NABP2: variants seen among roughly 807,000 people sequenced by gnomAD.
The protein encoded by NABP2 is SOSS complex subunit B1.
NABP2 carries 7 observed loss-of-function variants against 22.7 expected under a neutral mutation model. That is an observed-to-expected ratio of 0.31 (90% CI 0.18 to 0.58). The LOEUF (loss-of-function observed/expected upper bound fraction) is 0.58, where lower values mean the gene tolerates loss of function less well. NABP2 is among the 20% of genes least tolerant of loss of function. The probability of loss-of-function intolerance (pLI) is 0.89; values close to 1 mark genes in which losing one functional copy is unlikely to be tolerated. For missense variants in NABP2, 188 were observed against 265.9 expected (o/e 0.71, Z 2.04); for synonymous variants, 107 against 99.2 (o/e 1.08, Z -0.47).
At chr12:56,225,586 T>C in intron 3 of NABP2, 38 bp from the exon 4 acceptor site, 2 of 1,614,172 alleles carry the variant, frequency 1.2e-6, no homozygotes, top group Non-Finnish European at 1.7e-6. Flanking sequence ...CCTATAACAC[T>C]TCTGAGTACT....
rs749415116 is a variant in NABP2 at position 56,229,064 on chromosome 12, G to T, written c.487G>T (p.Gly163Cys). ...ACTGAGTGCCCCACCAGGTCCCGGT[G>T]GTGGCCCACATCCCCCTCATACTCC... is the stretch of plus-strand genomic sequence containing the variant. ...NGLSAPPGPG[G>C]GPHPPHTPSH... The change falls in exon 7 of 7, where the codon GGT becomes TGT. Residue 163 changes from glycine to cysteine, a missense_variant. Physicochemically the swap from Gly to Cys is radical, Grantham distance 159. Coordinates refer to ENST00000267023, the MANE Select transcript of NABP2 (RefSeq NM_024068.4). 14 of 1,612,854 alleles carry T rather than the reference G, an allele frequency of 8.7e-6. No homozygotes were observed. The highest frequency in any genetic ancestry group is 1.1e-5 in the Non-Finnish European group (13 of 1,179,606).
Position 56,224,373 on chromosome 12 carries a change from C to A in NABP2, c.-92C>A. 1 of 990,348 alleles carries A rather than the reference C, an allele frequency of 1.0e-6. No individual in the cohort carries two copies. Among genetic ancestry groups the A allele is most frequent in the East Asian group, 1.1e-4 (1 of 8,996 alleles). The allele number at this position is 990,348 out of a possible 1,614,324, so 61.3% of individuals were successfully genotyped here. On this transcript the variant is annotated 5_prime_UTR_variant, in exon 1 of 7. Transcript: ENST00000267023. Reference sequence around the variant, plus strand: ...CCGCGTTCCACGGGGCAGCATCCGGCGGCAGCGGAGCCTGTGGCTCCCCCT... The same window carrying A: ...CCGCGTTCCACGGGGCAGCATCCGGAGGCAGCGGAGCCTGTGGCTCCCCCT...
rs764836439 is a variant in NABP2 at position 56,229,217 on chromosome 12, G to A, written c.*4G>A. 2 of 1,611,898 alleles carry A rather than the reference G, an allele frequency of 1.2e-6. No individual in the cohort carries two copies. Among genetic ancestry groups the A allele is most frequent in the African/African-American group, 2.7e-5 (2 of 74,820 alleles). On this transcript the variant is annotated 3_prime_UTR_variant, in exon 7 of 7. Coordinates refer to ENST00000267023, the MANE Select transcript of NABP2 (RefSeq NM_024068.4). ...CCGGAGGAGCAGCAAGAGATAGCAT[G>A]ACATTCTTTCTTCCTGCCACCAACC... is the stretch of plus-strand genomic sequence containing the variant.
chr12:56,225,660 T>C lies in NABP2; in HGVS notation c.255T>C (p.Tyr85=). 1 of 1,614,208 alleles carries C rather than the reference T, an allele frequency of 6.2e-7. No individual in the cohort carries two copies. Among genetic ancestry groups the C allele is most frequent in the Non-Finnish European group, 8.5e-7 (1 of 1,180,040 alleles). Residue 85 remains tyrosine, a synonymous_variant, in exon 4 of 7, where the codon TAT becomes TAC. Coordinates refer to ENST00000267023, the MANE Select transcript of NABP2 (RefSeq NM_024068.4). ...TTTTCAAAGGTTGTCTGACACTATATACTGGCCGTGGGGGTGATCTGCAGA... is the reference window on the plus strand; with the variant it reads ...TTTTCAAAGGTTGTCTGACACTATACACTGGCCGTGGGGGTGATCTGCAGA... ...ASVFKGCLTL[Y]TGRGGDLQKI... is the part of the protein sequence containing the mutation.
At chr12:56,227,299 C>T (rs1395369710) in intron 6 of NABP2, among the ~76,000 whole-genome samples, 1 of 150,596 alleles carries the variant, frequency 6.6e-6, no homozygotes, top group Non-Finnish European at 1.5e-5. Context: ...TGGCTTGAAC[C>T]TGGGAAGTGG....
Position 56,226,232 on chromosome 12 carries a change from A to G in NABP2, c.344A>G (p.Tyr115Cys), listed in dbSNP as rs1869754252. 6.2e-7 allele frequency: 1 copy of G among 1,614,174 alleles called. No homozygotes were observed. Among genetic ancestry groups the G allele is most frequent in the Non-Finnish European group, 8.5e-7 (1 of 1,180,028 alleles). ...VPNFSEPNPE[Y>C]STQQAPNKAV... ...AACTTCAGTGAGCCAAACCCAGAGTACAGCACCCAGCAGGCACCCAACAAG... is the reference window on the plus strand; with the variant it reads ...AACTTCAGTGAGCCAAACCCAGAGTGCAGCACCCAGCAGGCACCCAACAAG... Residue 115 changes from tyrosine to cysteine, a missense_variant, in exon 5 of 7, where the codon TAC becomes TGC. Physicochemically the swap from Tyr to Cys is radical, Grantham distance 194. Transcript: ENST00000267023.
In NABP2 at chr12:56,226,227, A is replaced by G. The variant is rs778148034; in HGVS notation, c.339A>G (p.Pro113=). 12 of 1,614,084 alleles carry G rather than the reference A, an allele frequency of 7.4e-6. No individual in the cohort carries two copies. In the African/African-American group the frequency reaches 1.2e-4, roughly 16 times the overall value. The change falls in exon 5 of 7, where the codon CCA becomes CCG. Residue 113 remains proline (P), a synonymous_variant. Transcript: ENST00000267023. ...TTCCTAACTTCAGTGAGCCAAACCCAGAGTACAGCACCCAGCAGGCACCCA... is the reference window on the plus strand; with the variant it reads ...TTCCTAACTTCAGTGAGCCAAACCCGGAGTACAGCACCCAGCAGGCACCCA... ...SEVPNFSEPN[P]EYSTQQAPNK...
At position 56,226,410 on chromosome 12, in the gene NABP2, G is replaced by A. The variant is rs142956608; in HGVS notation, c.427G>A (p.Ala143Thr). Residue 143 changes from alanine to threonine, a missense_variant, in exon 6 of 7, where the codon GCC (alanine) becomes ACC (threonine). Transcript: ENST00000267023. ...ASQPTTGPSA[A>T]SPASENQNGN... ...CCAGCCTACCACTGGACCCTCTGCT[G>A]CCTCTCCAGGTAAATCTGTTCCCTT... 2.6e-5 allele frequency: 42 copies of A among 1,612,936 alleles called. No individual in the cohort carries two copies. Among genetic ancestry groups the A allele is most frequent in the Middle Eastern group, 3.8e-4 (2 of 5,322 alleles).
Position 56,229,087 on chromosome 12 carries a change from T to TGGCCCCC in NABP2, c.510_511insGGCCCCC (p.Pro171GlyfsTer32). On this transcript the variant is annotated frameshift_variant, in exon 7 of 7. Transcript: ENST00000267023. LOFTEE classifies it high-confidence loss of function. ...GTGGTGGCCCACATCCCCCTCATACTCCCTCCCACCCACCCAGCACCCGAA... is the reference window on the plus strand; with the variant it reads ...GTGGTGGCCCACATCCCCCTCATACTGGCCCCCCCCTCCCACCCACCCAGCACCCGAA... 1.3e-5 allele frequency: 20 copies of TGGCCCCC among 1,512,194 alleles called. No individual in the cohort carries two copies. The highest frequency in any genetic ancestry group is 1.5e-5 in the Non-Finnish European group (17 of 1,101,886). The allele number at this position is 1,512,194 out of a possible 1,614,324, so 93.7% of individuals were successfully genotyped here.
chr12:56,224,387 G>C lies in NABP2; in HGVS notation c.-78G>C, dbSNP rs1014182513. The C allele has an allele frequency of 2.0e-6, 2 of 990,704 alleles. No homozygotes were observed. The highest frequency in any genetic ancestry group is 2.4e-6 in the Non-Finnish European group (2 of 831,958). The allele number at this position is 990,704 out of a possible 1,614,324, so 61.4% of individuals were successfully genotyped here. ...GCAGCATCCGGCGGCAGCGGAGCCTGTGGCTCCCCCTGCGGGCTGCTCAGC... is the reference window on the plus strand; with the variant it reads ...GCAGCATCCGGCGGCAGCGGAGCCTCTGGCTCCCCCTGCGGGCTGCTCAGC... On this transcript the variant is annotated 5_prime_UTR_variant, in exon 1 of 7. Transcript: ENST00000267023.
chr12:56,224,747 G>A, intron 1 of NABP2, 87 bp from the exon 2 acceptor site: 1 of 1,218,126 alleles, frequency 8.2e-7, no homozygotes, highest in South Asian at 1.2e-5. Context: ...CCTGACCCCA[G>A]CCTAATGGGG....
At chr12:56,222,536 G>A (rs911641976), upstream of NABP2, among the ~76,000 whole-genome samples, 68 of 152,268 alleles carry the variant, frequency 4.5e-4, no homozygotes, top group African/African-American at 1.6e-3. Flanking sequence ...AAGGAAGGGA[G>A]AAAAAATTTC....
rs759006879 is a variant in NABP2 at position 56,224,821 on chromosome 12, A to T, written c.-23-13A>T. ...TCCAAGCATTGAGCCTTCATCCTCTATTCCCCATCCAGTGGGGTGCCGAGG... is the reference window on the plus strand; with the variant it reads ...TCCAAGCATTGAGCCTTCATCCTCTTTTCCCCATCCAGTGGGGTGCCGAGG... On this transcript the variant is annotated splice_polypyrimidine_tract_variant and intron_variant, in intron 1 of 6. Coordinates refer to ENST00000267023, the MANE Select transcript of NABP2 (RefSeq NM_024068.4). 2.5e-6 allele frequency: 4 copies of T among 1,604,854 alleles called. No homozygotes were observed. Among genetic ancestry groups the T allele is most frequent in the Non-Finnish European group, 3.4e-6 (4 of 1,172,974 alleles).
chr12:56,227,331 A>G (rs1335789748), intron 6 of NABP2, among the ~76,000 whole-genome samples: 1 of 150,946 alleles, frequency 6.6e-6, no homozygotes, highest in African/African-American at 2.4e-5. Context: ...AGCTGAGATC[A>G]TGCCACTGCA....
intron 1 of NABP2, 109 bp downstream of exon 1, chr12:56,224,550 G>A (rs1869668225): frequency 2.5e-6 from 3 of 1,202,698 alleles, no homozygotes; most frequent in South Asian, 2.2e-5. Context: ...GCTGTGCACC[G>A]GGTTCCCTAC....
chr12:56,225,719 G>A (rs769096924), intron 4 of NABP2, 24 bp downstream of exon 4: 1 of 1,613,414 alleles, frequency 6.2e-7, no homozygotes, highest in East Asian at 2.2e-5. Flanking sequence ...TGGGGATTGG[G>A]ATGAAGAAGC....
At chr12:56,226,557 CTTT>C (rs10676451) in intron 6 of NABP2, 138 bp downstream of exon 6, 2,332 of 268,080 alleles carry the variant, frequency 8.7e-3, no homozygotes, top group East Asian at 0.018. Flanking sequence ...TCCCAGACCC[CTTT>C]TTTTTTTTTT....
upstream of NABP2, among the ~76,000 whole-genome samples, chr12:56,222,787 AATACACAC>A (rs1213789098): frequency 6.6e-6 from 1 of 152,254 alleles, no homozygotes. Context: ...AATGCACATT[AATACACAC>A]ATACACACAT....
At chr12:56,225,534 GCCTT>G in intron 3 of NABP2, 23 bp downstream of exon 3, 1 of 1,614,172 alleles carries the variant, frequency 6.2e-7, no homozygotes, top group Non-Finnish European at 8.5e-7. Context: ...GTGACTTCTG[GCCTT>G]CCAAAGGCAA....
Sources: allele counts gnomAD v4.1 joint callset (sites outside exome capture counted in the v4.1 genomes callset), GRCh38; gene constraint gnomAD v4.1.1; transcripts MANE v1.5; gene names NCBI Gene and HGNC (gene_info 2026-07-23, HGNC 2026-07-21).